PRKAR1A: variants seen among roughly 807,000 people sequenced by gnomAD.
The protein encoded by PRKAR1A is protein kinase cAMP-dependent type I regulatory subunit alpha.
PRKAR1A carries 3 observed loss-of-function variants against 52.0 expected under a neutral mutation model. The ratio of observed to expected loss-of-function variants is 0.06; its 90% CI spans 0.03 to 0.15. The LOEUF (loss-of-function observed/expected upper bound fraction) is 0.15, where lower values mean the gene tolerates loss of function less well. PRKAR1A is among the 10% of genes least tolerant of loss of function. The probability of loss-of-function intolerance (pLI) is 1.00; values close to 1 mark genes in which losing one functional copy is unlikely to be tolerated. For synonymous variants in PRKAR1A, 188 were observed against 168.4 expected, an observed-to-expected ratio of 1.12 and a Z score of -0.90; for missense variants, 240 against 477.4, an observed-to-expected ratio of 0.50 and a Z score of 4.63.
chr17:68,518,956 G>A (rs192320358), intron 2 of PRKAR1A, among the ~76,000 whole-genome samples: 15 of 152,232 alleles, frequency 9.9e-5, no homozygotes, highest in Admixed American at 2.0e-4. Context: ...TTTGCATAGC[G>A]AGAGTCACCT....
In PRKAR1A at chr17:68,531,969, C is replaced by G; in HGVS notation, c.*1520C>G. On this transcript the variant is annotated 3_prime_UTR_variant, in exon 11 of 11. Coordinates refer to ENST00000589228, the MANE Select transcript of PRKAR1A (RefSeq NM_002734.5). ...AACTAACTGACTCTGTTATTGATCC[C>G]TTCTCCTGCCCTTTCCCAGGTAATT... The G allele has an allele frequency of 9.4e-7, 1 of 1,066,026 alleles. No individual in the cohort carries two copies. Among genetic ancestry groups the G allele is most frequent in the Non-Finnish European group, 1.1e-6 (1 of 879,554 alleles). 66.0% of individuals were successfully genotyped at this position (1,066,026 alleles called of 1,614,324 possible). A position where few individuals can be genotyped will look rare whatever the true frequency, so the allele number is the denominator to read the frequency against.
intron 11 of PRKAR1A, chr17:68,541,714 C>G (rs1470460708): frequency 2.6e-6 from 1 of 382,888 alleles, no homozygotes; most frequent in African/African-American, 2.0e-5. Context: ...CCCACTAGAC[C>G]AAGGAGCTTC....
chr17:68,497,145 C>T, the PRKAR1A span, among the ~76,000 whole-genome samples: 1 of 152,272 alleles, frequency 6.6e-6, no homozygotes, highest in Admixed American at 6.5e-5. Flanking sequence ...AGTGGCTAAA[C>T]AAGCTCGAAT....
At chr17:68,525,941 A>G (rs369813119) in intron 7 of PRKAR1A, 29 bp downstream of exon 7, 107 of 1,611,878 alleles carry the variant, frequency 6.6e-5, no homozygotes, top group Middle Eastern at 1.6e-4. Context: ...TGAGAGTGTG[A>G]TTTAGAATTC....
At chr17:68,430,978 C>T in the PRKAR1A span, among the ~76,000 whole-genome samples, 2 of 152,126 alleles carry the variant, frequency 1.3e-5, no homozygotes, top group South Asian at 4.1e-4. Context: ...TTGGACAAAC[C>T]TCTCTGGGCC....
the PRKAR1A span, among the ~76,000 whole-genome samples, chr17:68,437,038 A>G: frequency 0.64 from 76,580 of 119,074 alleles, 20,623 homozygotes; most frequent in African/African-American, 0.71. Context: ...GTGTGTGTGT[A>G]TATATTGCTC....
chr17:68,542,226 C>T (rs1376381354), intron 11 of PRKAR1A: 3 of 1,581,146 alleles, frequency 1.9e-6, no homozygotes, highest in Non-Finnish European at 2.6e-6. Context: ...TGACATCTTC[C>T]TGGCCTAGGA....
At chr17:68,520,503 A>G (rs971132608) in intron 2 of PRKAR1A, among the ~76,000 whole-genome samples, 1 of 152,212 alleles carries the variant, frequency 6.6e-6, no homozygotes, top group African/African-American at 2.4e-5. Context: ...TTTATGGAGT[A>G]CATGTGATAT....
Position 68,533,276 on chromosome 17 carries a change from A to G in PRKAR1A, c.*2827A>G. The G allele has an allele frequency of 9.4e-7, 1 of 1,063,926 alleles. No homozygotes were observed. The highest frequency in any genetic ancestry group is 5.3e-5 in the Admixed American group (1 of 18,738). 65.9% of individuals were successfully genotyped at this position (1,063,926 alleles called of 1,614,324 possible). On this transcript the variant is annotated 3_prime_UTR_variant, in exon 11 of 11. Transcript: ENST00000589228. ...CATTAGTGTATTGGTATTTCTTCAC[A>G]TCCAGTGAAATTGGAGATATGTTGT...
chr17:68,474,871 T>C, the PRKAR1A span, among the ~76,000 whole-genome samples: 1 of 152,070 alleles, frequency 6.6e-6, no homozygotes, highest in Admixed American at 6.6e-5. Context: ...CACAGCAAGA[T>C]CTATCTCAAA....
At chr17:68,422,472 C>T in the PRKAR1A span, 1 of 151,666 alleles carries the variant, frequency 6.6e-6, no homozygotes, top group African/African-American at 2.4e-5. Flanking sequence ...TGGCTCACAC[C>T]TGTAATCCCA....
chr17:68,466,813 G>T, the PRKAR1A span, among the ~76,000 whole-genome samples: 1 of 152,124 alleles, frequency 6.6e-6, no homozygotes, highest in East Asian at 1.9e-4. Flanking sequence ...GAACAACGCG[G>T]TGACATCTAG....
chr17:68,464,895 A>T, the PRKAR1A span, among the ~76,000 whole-genome samples: 1 of 150,732 alleles, frequency 6.6e-6, no homozygotes, highest in Non-Finnish European at 1.5e-5. Flanking sequence ...AATCAAAAAC[A>T]GCATTTTAAG....
At chr17:68,543,030 T>C (rs528538226) in intron 11 of PRKAR1A, among the ~76,000 whole-genome samples, 16 of 152,260 alleles carry the variant, frequency 1.1e-4, no homozygotes, top group Admixed American at 8.5e-4. Flanking sequence ...TGAATCCTTA[T>C]TCCGTCAAGC....
the PRKAR1A span, chr17:68,421,355 CA>C: frequency 1.2e-5 from 2 of 165,874 alleles, no homozygotes; most frequent in African/African-American, 2.4e-5. Flanking sequence ...CAGCCACAGC[CA>C]AAAAAGACTT....
the PRKAR1A span, chr17:68,420,566 C>T: frequency 6.6e-6 from 9 of 1,366,460 alleles, no homozygotes; most frequent in Non-Finnish European, 9.1e-6. Flanking sequence ...TTAGTTTAGT[C>T]TTGGAGTTTA....
At chr17:68,415,142 T>G in the PRKAR1A span, among the ~76,000 whole-genome samples, 1 of 152,130 alleles carries the variant, frequency 6.6e-6, no homozygotes, top group African/African-American at 2.4e-5. Context: ...CTTTCAGTCT[T>G]TTTGATGTAG....
chr17:68,426,198 G>C, the PRKAR1A span: 1 of 1,498,756 alleles, frequency 6.7e-7, no homozygotes, highest in Non-Finnish European at 9.0e-7. Flanking sequence ...AAAGAGACAT[G>C]AAACAAGCAC....
At chr17:68,457,392 CG>C in the PRKAR1A span, 5 of 1,534,742 alleles carry the variant, frequency 3.3e-6, no homozygotes, top group Admixed American at 2.0e-5. Flanking sequence ...CAACCCCGCC[CG>C]GGGGAGCGTC....
Sources: allele counts gnomAD v4.1 joint callset (sites outside exome capture counted in the v4.1 genomes callset), GRCh38; gene constraint gnomAD v4.1.1; transcripts MANE v1.5; gene names NCBI Gene and HGNC (gene_info 2026-07-23, HGNC 2026-07-21).